CEP152: variants seen among roughly 807,000 people sequenced by gnomAD.
The protein encoded by CEP152 is centrosomal protein of 152 kDa.
In CEP152, 132 loss-of-function variants were observed where a neutral mutation model predicts 188.9. The observed-to-expected ratio is 0.70, with a 90% confidence interval of 0.61 to 0.81. The LOEUF (loss-of-function observed/expected upper bound fraction) is 0.81. CEP152 is among the 30% of genes least tolerant of loss of function. CEP152 has a pLI of 0.00. For missense variants in CEP152, 1,914 were observed against 1,969.8 expected, an observed-to-expected ratio of 0.97 and a Z score of 0.54; for synonymous variants, 649 against 666.6, an observed-to-expected ratio of 0.97 and a Z score of 0.41.
intron 8 of CEP152, among the ~76,000 whole-genome samples, chr15:48,790,542 A>T (rs1896930451): frequency 6.6e-6 from 1 of 152,086 alleles, no homozygotes; most frequent in African/African-American, 2.4e-5. Flanking sequence ...CTCACTCAAA[A>T]CCAAGCTCAT....
At chr15:48,759,229 G>T (rs1241177884) in intron 19 of CEP152, among the ~76,000 whole-genome samples, 2 of 151,876 alleles carry the variant, frequency 1.3e-5, no homozygotes, top group Non-Finnish European at 2.9e-5. Flanking sequence ...TGTTATTATG[G>T]TACAGATCTG....
chr15:48,779,169 A>G (rs1055366352), intron 12 of CEP152, among the ~76,000 whole-genome samples: 2 of 152,210 alleles, frequency 1.3e-5, no homozygotes, highest in African/African-American at 4.8e-5. Context: ...CATGAACTAC[A>G]TCTTTAATCC....
rs1896284913 is a variant in CEP152, at chr15:48,782,049, T to C, written c.1413+90A>G. 5.0e-6 allele frequency: 6 copies of C among 1,206,306 alleles called. No individual in the cohort carries two copies. In the Admixed American group the frequency reaches 9.0e-5, roughly 18 times the overall value. 74.7% of individuals were successfully genotyped at this position (1,206,306 alleles called of 1,614,324 possible). On this transcript the variant is annotated intron_variant, in intron 11 of 26. Transcript: ENST00000380950. ...TTTGAAGGTGGTCCAACCACCTCTA[T>C]TATACAGAGAAACCCAAGATTCAAA...
intron 21 of CEP152, among the ~76,000 whole-genome samples, chr15:48,749,560 ACAC>A: frequency 6.6e-6 from 1 of 152,210 alleles, no homozygotes; most frequent in South Asian, 2.1e-4. Flanking sequence ...AGACATATGG[ACAC>A]CACAATTTTT....
intron 14 of CEP152, 70 bp from the exon 15 acceptor site, chr15:48,768,398 A>AT: frequency 2.4e-6 from 2 of 825,524 alleles, no homozygotes; most frequent in Admixed American, 4.2e-5. Flanking sequence ...ATTTTGTCTT[A>AT]TTTTTTAATA....
At chr15:48,805,531 G>GGC in intron 2 of CEP152, 32 bp downstream of exon 2, 1 of 1,274,028 alleles carries the variant, frequency 7.8e-7, no homozygotes, top group Non-Finnish European at 1.1e-6. Context: ...TGGGTTTAGT[G>GGC]TCTCTTTTTT....
chr15:48,801,864 C>A (rs1295427505), intron 2 of CEP152, among the ~76,000 whole-genome samples: 2 of 152,106 alleles, frequency 1.3e-5, no homozygotes, highest in African/African-American at 4.8e-5. Context: ...GAGGCCGAGG[C>A]AGTTGGATCA....
chr15:48,777,993 A>C (rs2140820293), intron 12 of CEP152, among the ~76,000 whole-genome samples: 1 of 152,316 alleles, frequency 6.6e-6, no homozygotes, highest in South Asian at 2.1e-4. Flanking sequence ...AGTTCTCCTA[A>C]ATCCAAATAA....
chr15:48,752,919 C>T (rs1027442732), intron 20 of CEP152, among the ~76,000 whole-genome samples: 1 of 152,074 alleles, frequency 6.6e-6, no homozygotes, highest in Non-Finnish European at 1.5e-5. Context: ...AGTTAAAAAT[C>T]ATTTTAAATT....
At chr15:48,754,824 T>G (rs558027439) in intron 20 of CEP152, among the ~76,000 whole-genome samples, 9 of 152,194 alleles carry the variant, frequency 5.9e-5, no homozygotes, top group Non-Finnish European at 1.0e-4. Flanking sequence ...ACTATGTGAT[T>G]GCCCAATATA....
chr15:48,770,643 G>A (rs898593166), intron 13 of CEP152, among the ~76,000 whole-genome samples: 3 of 152,130 alleles, frequency 2.0e-5, no homozygotes, highest in East Asian at 3.9e-4. Context: ...AATGCAAATT[G>A]AGAAACAAGC....
intron 21 of CEP152, among the ~76,000 whole-genome samples, chr15:48,752,117 T>TC (rs1184573504): frequency 6.6e-6 from 1 of 152,162 alleles, no homozygotes; most frequent in African/African-American, 2.4e-5. Context: ...CTCTCATGAT[T>TC]CTCCTTGTAA....
intron 21 of CEP152, 120 bp from the exon 22 acceptor site, chr15:48,748,730 C>T (rs1479564952): frequency 1.9e-6 from 2 of 1,072,510 alleles, no homozygotes; most frequent in East Asian, 2.9e-5. Context: ...TACAGCACGA[C>T]TGAAAGAGTG....
intron 20 of CEP152, 36 bp downstream of exon 20, chr15:48,755,867 G>C: frequency 6.2e-7 from 1 of 1,611,496 alleles, no homozygotes; most frequent in Non-Finnish European, 8.5e-7. Context: ...AATCATTCTT[G>C]GTGTTCAATA....
intron 26 of CEP152, among the ~76,000 whole-genome samples, chr15:48,739,553 T>C (rs990149954): frequency 5.9e-5 from 9 of 152,188 alleles, no homozygotes; most frequent in Admixed American, 5.2e-4. Context: ...ATTATTGCTA[T>C]CCATCTGACC....
chr15:48,793,817 C>T (rs1157604497), intron 6 of CEP152, among the ~76,000 whole-genome samples: 1 of 152,066 alleles, frequency 6.6e-6, no homozygotes, highest in Non-Finnish European at 1.5e-5. Flanking sequence ...ACCATTTTAG[C>T]CAGTTAAAAA....
chr15:48,807,288 A>G (rs1199737450), intron 1 of CEP152, among the ~76,000 whole-genome samples: 1 of 152,254 alleles, frequency 6.6e-6, no homozygotes, highest in Non-Finnish European at 1.5e-5. Context: ...AAAAGCCTGT[A>G]ACATGAAATG....
At chr15:48,810,375 G>A (rs947560825) in intron 1 of CEP152, 1 of 152,210 alleles carries the variant, frequency 6.6e-6, no homozygotes, top group Non-Finnish European at 1.5e-5. Flanking sequence ...TGAAGGGAAA[G>A]AAAATAGACA....
At chr15:48,783,886 G>C in intron 10 of CEP152, 87 bp downstream of exon 10, 2 of 1,389,964 alleles carry the variant, frequency 1.4e-6, no homozygotes, top group Non-Finnish European at 2.0e-6. Flanking sequence ...GTCCCTTCTG[G>C]ATTTTTACAA....
Sources: allele counts gnomAD v4.1 joint callset (sites outside exome capture counted in the v4.1 genomes callset), GRCh38; gene constraint gnomAD v4.1.1; transcripts MANE v1.5; gene names NCBI Gene and HGNC (gene_info 2026-07-23, HGNC 2026-07-21).